The following SNX7 variants were observed in gnomAD, a reference collection of about 807,000 sequenced individuals.
SNX7 encodes sorting nexin-7.
Under a neutral mutation model 48.4 loss-of-function variants are expected in SNX7, and 35 were observed. That is an observed-to-expected ratio of 0.72 (90% CI 0.55 to 0.96). SNX7 has a LOEUF of 0.96. Among genes scored for constraint, SNX7 ranks in the 40% least tolerant of loss-of-function variants. The pLI, the probability that SNX7 is intolerant of heterozygous loss-of-function variation, is 0.00. For synonymous variants in SNX7, 190 were observed against 190.2 expected (o/e 1.00, Z 0.01); for missense variants, 553 against 548.9 (o/e 1.01, Z -0.07).
chr1:98,740,396 T>C lies in SNX7; in HGVS notation c.1278+2007T>C, dbSNP rs1460617156. Among the ~76,000 whole-genome samples, 4 of 152,220 alleles carry C rather than the reference T, an allele frequency of 2.6e-5. No individual in the cohort carries two copies. In the South Asian group the frequency reaches 6.2e-4, roughly 24 times the overall value. On this transcript the variant is annotated intron_variant, in intron 8 of 8. Coordinates refer to ENST00000306121, the MANE Select transcript of SNX7 (RefSeq NM_015976.5). ...AATAACAAAACAATAAAACCAAAAT[T>C]TTAATTGAGATAATTTATAAGAAAA...
intron 6 of SNX7, among the ~76,000 whole-genome samples, chr1:98,700,361 T>G (rs1651684484): frequency 6.6e-6 from 1 of 152,292 alleles, no homozygotes; most frequent in East Asian, 1.9e-4. Context: ...GTGCTTCATC[T>G]TTTTTGAAAC....
At chr1:98,737,282 C>G (rs1450923746) in intron 7 of SNX7, among the ~76,000 whole-genome samples, 2 of 152,088 alleles carry the variant, frequency 1.3e-5, no homozygotes, top group Non-Finnish European at 2.9e-5. Context: ...GCCACCTTAT[C>G]TAAAATTGCA....
At chr1:98,734,046 C>T (rs1416076982) in intron 7 of SNX7, among the ~76,000 whole-genome samples, 1 of 152,094 alleles carries the variant, frequency 6.6e-6, no homozygotes, top group African/African-American at 2.4e-5. Flanking sequence ...CATGCTTCTC[C>T]TTGCCAACTC....
intron 7 of SNX7, among the ~76,000 whole-genome samples, chr1:98,723,442 T>C (rs1347095600): frequency 8.3e-5 from 12 of 144,884 alleles, no homozygotes; most frequent in Non-Finnish European, 1.4e-4. Context: ...AAATTTTGTA[T>C]TTTAAAACAT....
In SNX7 at chr1:98,738,237, C is replaced by T; in HGVS notation, c.1126C>T (p.Leu376Phe). The change falls in exon 8 of 9, where the codon CTT becomes TTT. Residue 376 changes from leucine to phenylalanine, a missense_variant and splice_region_variant. Transcript: ENST00000306121. ...LTYKKADTDL[L>F]PEEIGKLEDK... ...TATCTCTCTTTGTGACTTAATTCAG[C>T]TTCCAGAGGAGATTGGAAAACTTGA... 1.2e-6 allele frequency: 2 copies of T among 1,611,612 alleles called. No individual in the cohort carries two copies. Among genetic ancestry groups the T allele is most frequent in the Non-Finnish European group, 1.7e-6 (2 of 1,179,148 alleles).
rs1557805353 is a variant in SNX7, at chr1:98,698,703, T to A, written c.839-3T>A. 6.3e-7 allele frequency: 1 copy of A among 1,597,262 alleles called. No homozygotes were observed. ...AGCTTATTAAGTCTTTTTTTTTTTT[T>A]AGAATATTTTGATGAAATGAAAGAA... On this transcript the variant is annotated splice_polypyrimidine_tract_variant and splice_region_variant and intron_variant, in intron 5 of 8. Coordinates refer to ENST00000306121, the MANE Select transcript of SNX7 (RefSeq NM_015976.5).
chr1:98,661,637 C>T (rs1304756295), upstream of SNX7: 15 of 1,078,998 alleles, frequency 1.4e-5, no homozygotes, highest in Middle Eastern at 3.6e-4. Context: ...GCGGGGCCGG[C>T]CGGGGAGGTG....
intron 7 of SNX7, among the ~76,000 whole-genome samples, chr1:98,704,806 G>A (rs1339375696): frequency 6.6e-6 from 1 of 152,148 alleles, no homozygotes; most frequent in Non-Finnish European, 1.5e-5. Context: ...GTCACCTTTG[G>A]GTGGGATGCT....
intron 7 of SNX7, among the ~76,000 whole-genome samples, chr1:98,704,139 T>C (rs191080382): frequency 4.5e-4 from 69 of 152,250 alleles, no homozygotes; most frequent in Middle Eastern, 6.8e-3. Flanking sequence ...GTATAAAAAT[T>C]TTTTTGATAT....
rs183457301 is a variant in SNX7 at position 98,730,421 on chromosome 1, A to G, written c.1126-7816A>G. 1.3e-3 allele frequency among the ~76,000 whole-genome samples: 194 copies of G among 152,216 alleles called. 2 individuals carry two copies. Among genetic ancestry groups the G allele is most frequent in the Non-Finnish European group, 1.5e-3 (103 of 68,012 alleles). ...AAGTTCTGGCCGGGGCAGTCAGGCA[A>G]GAGAAGGAAATAAAGAATACTCAGG... is the stretch of plus-strand genomic sequence containing the variant. On this transcript the variant is annotated intron_variant, in intron 7 of 8. Coordinates refer to ENST00000306121, the MANE Select transcript of SNX7 (RefSeq NM_015976.5).
intron 8 of SNX7, among the ~76,000 whole-genome samples, chr1:98,745,530 A>G (rs180910201): frequency 6.6e-6 from 1 of 152,166 alleles, no homozygotes; most frequent in East Asian, 1.9e-4. Flanking sequence ...CTTTGGAACT[A>G]TGTGCAGAAT....
chr1:98,688,588 A>G (rs1650935482), intron 2 of SNX7, among the ~76,000 whole-genome samples: 1 of 152,182 alleles, frequency 6.6e-6, no homozygotes, highest in African/African-American at 2.4e-5. Context: ...AAAGTTTTCT[A>G]AATAATGAGT....
At chr1:98,701,307 T>A (rs542579907) in intron 6 of SNX7, among the ~76,000 whole-genome samples, 1 of 152,170 alleles carries the variant, frequency 6.6e-6, no homozygotes, top group Non-Finnish European at 1.5e-5. Flanking sequence ...AATAAAATGC[T>A]TAGGATATGA....
At chr1:98,750,775 G>A (rs980534543) in intron 8 of SNX7, among the ~76,000 whole-genome samples, 3 of 151,950 alleles carry the variant, frequency 2.0e-5, no homozygotes, top group Admixed American at 2.0e-4. Flanking sequence ...CAGCTGTAGT[G>A]GTACTGAAAA....
At chr1:98,750,120 G>C (rs1162574137) in intron 8 of SNX7, among the ~76,000 whole-genome samples, 1 of 151,644 alleles carries the variant, frequency 6.6e-6, no homozygotes, top group African/African-American at 2.4e-5. Flanking sequence ...ATAATAATAA[G>C]TATCATTATT....
At chr1:98,722,027 C>T (rs1652902288) in intron 7 of SNX7, among the ~76,000 whole-genome samples, 1 of 151,628 alleles carries the variant, frequency 6.6e-6, no homozygotes. Context: ...AAAATGTGGC[C>T]CTTTAAATAA....
chr1:98,739,304 A>G (rs1653953026), intron 8 of SNX7, among the ~76,000 whole-genome samples: 1 of 152,158 alleles, frequency 6.6e-6, no homozygotes, highest in Admixed American at 6.5e-5. Context: ...TAACAGGCCA[A>G]TGACCAGTAC....
chr1:98,725,276 C>T (rs1489617310), intron 7 of SNX7, among the ~76,000 whole-genome samples: 1 of 152,130 alleles, frequency 6.6e-6, no homozygotes, highest in Non-Finnish European at 1.5e-5. Context: ...TAGGCCATCA[C>T]TGTGTGTTGA....
intron 8 of SNX7, among the ~76,000 whole-genome samples, chr1:98,747,550 G>A (rs1481406170): frequency 6.6e-6 from 1 of 152,070 alleles, no homozygotes; most frequent in Non-Finnish European, 1.5e-5. Context: ...ATGACTGAAA[G>A]AAGAAAAAAC....
Sources: allele counts gnomAD v4.1 joint callset (sites outside exome capture counted in the v4.1 genomes callset), GRCh38; gene constraint gnomAD v4.1.1; transcripts MANE v1.5; gene names NCBI Gene and HGNC (gene_info 2026-07-23, HGNC 2026-07-21).